Variants in GDF7 observed in about 807,000 individuals in gnomAD.
GDF7 encodes the protein growth/differentiation factor 7.
A neutral mutation model predicts 13.4 loss-of-function variants in GDF7; 12 were observed. The observed-to-expected ratio is 0.90, with a 90% confidence interval of 0.57 to 1.45. The LOEUF is 1.45. Among genes scored for constraint, GDF7 ranks in the 40% most tolerant of loss-of-function variants. GDF7 has a pLI of 0.00. For synonymous variants in GDF7, 330 were observed against 306.4 expected (o/e 1.08, Z -0.80); for missense variants, 651 against 652.4 (o/e 1.00, Z 0.02).
rs1662196492 is a variant in GDF7 at position 20,675,128 on chromosome 2, G to A, written c.*3703G>A. Reference sequence around the variant, plus strand: ...AGAGTGTCCTGAGGCTGCCTCTGGGGGCACAGAATCACTGGGCCTCGCTGA... The same window carrying A: ...AGAGTGTCCTGAGGCTGCCTCTGGGAGCACAGAATCACTGGGCCTCGCTGA... On this transcript the variant is annotated 3_prime_UTR_variant, in exon 2 of 2. Transcript: ENST00000272224. 6.6e-6 allele frequency: 1 copy of A among 152,340 alleles called. No homozygotes were observed. The highest frequency in any genetic ancestry group is 2.1e-4 in the South Asian group (1 of 4,828). The allele number at this position is 152,340 out of a possible 1,614,324, so 9.4% of individuals were successfully genotyped here. A position where few individuals can be genotyped will look rare whatever the true frequency, so the allele number is the denominator to read the frequency against.
intron 1 of GDF7, among the ~76,000 whole-genome samples, chr2:20,668,595 G>C (rs1662024325): frequency 6.6e-6 from 1 of 152,240 alleles, no homozygotes; most frequent in Non-Finnish European, 1.5e-5. Flanking sequence ...AGGCGAATAG[G>C]GCTGGGAAGT....
Position 20,672,145 on chromosome 2 carries a change from T to TA in GDF7, c.*722dup, listed in dbSNP as rs1662138879. 3 of 140,756 alleles carry TA rather than the reference T, an allele frequency of 2.1e-5. No individual in the cohort carries two copies. Among genetic ancestry groups the TA allele is most frequent in the Admixed American group, 7.0e-5 (1 of 14,190 alleles). 8.7% of individuals were successfully genotyped at this position (140,756 alleles called of 1,614,324 possible). A position where few individuals can be genotyped will look rare whatever the true frequency, so the allele number is the denominator to read the frequency against. On this transcript the variant is annotated 3_prime_UTR_variant, in exon 2 of 2. Coordinates refer to ENST00000272224, the MANE Select transcript of GDF7 (RefSeq NM_182828.4). ...CCCCCGCCTTTTTTTTTTTTTTTTT[T>TA]AATCAATTCCAATAGGAAATGTTAT...
chr2:20,670,847 G>A lies in GDF7; in HGVS notation c.775G>A (p.Gly259Ser), dbSNP rs1192662577. ...RLGFGWPGGG[G>S]SAAEERAVLV... ...GGGCTTCGGCTGGCCGGGCGGAGGG[G>A]GCTCTGCGGCAGAGGAGCGCGCGGT... Residue 259 changes from glycine (G) to serine (S), a missense_variant, in exon 2 of 2, where the codon GGC (glycine) becomes AGC (serine). Transcript: ENST00000272224. The A allele has an allele frequency of 1.3e-6, 2 of 1,499,564 alleles. No homozygotes were observed. The highest frequency in any genetic ancestry group is 1.8e-6 in the Non-Finnish European group (2 of 1,131,094). 92.9% of individuals were successfully genotyped at this position (1,499,564 alleles called of 1,614,324 possible).
chr2:20,674,165 GGCCTGGGT>G lies in GDF7; in HGVS notation c.*2742_*2749del, dbSNP rs1445468615. ...TCTGTCTTCTAGGTAGCGGGGGACA[GGCCTGGGT>G]GACTGGCATGAACCCAGCTTCTCTG... On this transcript the variant is annotated 3_prime_UTR_variant, in exon 2 of 2. Transcript: ENST00000272224. 1 of 152,220 alleles carries G rather than the reference GGCCTGGGT, an allele frequency of 6.6e-6. No homozygotes were observed. Among genetic ancestry groups the G allele is most frequent in the Admixed American group, 6.5e-5 (1 of 15,286 alleles). 9.4% of individuals were successfully genotyped at this position (152,220 alleles called of 1,614,324 possible). A position where few individuals can be genotyped will look rare whatever the true frequency, so the allele number is the denominator to read the frequency against.
chr2:20,677,923 GGCCAGACAA>G lies in GDF7; in HGVS notation c.*6499_*6507del, dbSNP rs1460049245. 1.3e-5 allele frequency: 2 copies of G among 152,456 alleles called. No individual in the cohort carries two copies. The highest frequency in any genetic ancestry group is 2.9e-5 in the Non-Finnish European group (2 of 68,234). The allele number at this position is 152,456 out of a possible 1,614,324, so 9.4% of individuals were successfully genotyped here. ...TCTCTGAGTGACTGAGGGCTGCCAA[GGCCAGACAA>G]CGCACATGTGTCCTGGATCCTCCCC... On this transcript the variant is annotated 3_prime_UTR_variant, in exon 2 of 2. Transcript: ENST00000272224.
rs751366806 is a variant in GDF7, at chr2:20,671,375, G to T, written c.1303G>T (p.Val435Phe). The change falls in exon 2 of 2, where the codon GTC becomes TTC. Residue 435 changes from valine (V) to phenylalanine (F), a missense_variant. By Grantham distance (50) the Val-to-Phe change is conservative (BLOSUM62 -1). This residue lies in a region of GDF7 where 101 missense variants were observed against 139.2 expected (regional missense o/e 0.73). Transcript: ENST00000272224. ...CTACATCGACGCCGCCAACAACGTT[G>T]TCTACAAGCAATACGAGGACATGGT... ...ILYIDAANNVVYKQYEDMVVE... is the reference protein window; with the variant it reads ...ILYIDAANNVFYKQYEDMVVE... 6 of 1,612,956 alleles carry T rather than the reference G, an allele frequency of 3.7e-6. No individual in the cohort carries two copies. The Admixed American group carries it at 8.3e-5, about 22-fold the overall frequency.
Position 20,667,449 on chromosome 2 carries a change from C to CCGCGCCG in GDF7, c.221_227dup (p.Ala77ProfsTer75), listed in dbSNP as rs1436225116. ...TCCCGGCCGCCGCGGTTCCCCGGGC[C>CCGCGCCG]CGCGCCGCGCGCCGCGCCGCGGGCT... On this transcript the variant is annotated frameshift_variant, in exon 1 of 2. Transcript: ENST00000272224. LOFTEE classifies it high-confidence loss of function. The surrounding 1 kb of genome is among the most constrained non-coding windows in gnomAD (Gnocchi z 6.4). 6 of 1,126,930 alleles carry CCGCGCCG rather than the reference C, an allele frequency of 5.3e-6. No individual in the cohort carries two copies. The highest frequency in any genetic ancestry group is 6.6e-6 in the Non-Finnish European group (6 of 913,884). The allele number at this position is 1,126,930 out of a possible 1,614,324, so 69.8% of individuals were successfully genotyped here. A position where few individuals can be genotyped will look rare whatever the true frequency, so the allele number is the denominator to read the frequency against.
chr2:20,671,062 G>A lies in GDF7; in HGVS notation c.990G>A (p.Ala330=). ...RRTALAGTRT[A]QGSGGGAGRG... ...CGGCGTTGGCCGGGACGCGGACAGC[G>A]CAGGGCAGCGGCGGGGGCGCGGGCC... is the stretch of plus-strand genomic sequence containing the variant. The change falls in exon 2 of 2, where the codon GCG becomes GCA. Residue 330 remains alanine (A), a synonymous_variant. Coordinates refer to ENST00000272224, the MANE Select transcript of GDF7 (RefSeq NM_182828.4). 6.6e-7 allele frequency: 1 copy of A among 1,503,952 alleles called. No homozygotes were observed. Among genetic ancestry groups the A allele is most frequent in the Non-Finnish European group, 8.9e-7 (1 of 1,128,730 alleles). The allele number at this position is 1,503,952 out of a possible 1,614,324, so 93.2% of individuals were successfully genotyped here.
In GDF7 at chr2:20,670,520, G is replaced by C; in HGVS notation, c.448G>C (p.Asp150His). 6.3e-7 allele frequency: 1 copy of C among 1,597,284 alleles called. No homozygotes were observed. Among genetic ancestry groups the C allele is most frequent in the South Asian group, 1.1e-5 (1 of 88,218 alleles). The change falls in exon 2 of 2, where the codon GAC (aspartate) becomes CAC (histidine). Residue 150 changes from aspartate to histidine, a missense_variant. Around this residue, in one of 4 missense-constraint regions of GDF7, gnomAD observed 487 missense variants for 445.9 expected, o/e 1.09. Transcript: ENST00000272224. ...CCTGTTCGACGTGTCCAGCCTTAACGACGCAGACGAGGTGGTGGGTGCCGA... is the reference window on the plus strand; with the variant it reads ...CCTGTTCGACGTGTCCAGCCTTAACCACGCAGACGAGGTGGTGGGTGCCGA... Reference protein sequence around the residue: ...SFLFDVSSLNDADEVVGAELR... With the variant: ...SFLFDVSSLNHADEVVGAELR...
chr2:20,668,097 G>C (rs1230296373), intron 1 of GDF7, among the ~76,000 whole-genome samples: 1 of 152,242 alleles, frequency 6.6e-6, no homozygotes, highest in African/African-American at 2.4e-5. Flanking sequence ...CACACAAATT[G>C]GGGGAAGCCC....
intron 1 of GDF7, among the ~76,000 whole-genome samples, chr2:20,669,350 G>C (rs2149310750): frequency 6.6e-6 from 1 of 152,240 alleles, no homozygotes; most frequent in South Asian, 2.1e-4. Flanking sequence ...GTCTCTCCGA[G>C]TTTAGGGGCA....
rs530876110 is a variant in GDF7, at chr2:20,671,825, GCTTTATCTCACCCC to G, written c.*405_*418del. On this transcript the variant is annotated 3_prime_UTR_variant, in exon 2 of 2. Coordinates refer to ENST00000272224, the MANE Select transcript of GDF7 (RefSeq NM_182828.4). ...GAGAACCAAAGGGGTACTCGAGCATGCTTTATCTCACCCCCTTTTGTTTCTGGCCCGATGTGGGG... is the reference window on the plus strand; with the variant it reads ...GAGAACCAAAGGGGTACTCGAGCATGCTTTTGTTTCTGGCCCGATGTGGGG... The G allele has an allele frequency of 5.1e-4, 119 of 234,176 alleles. 1 individual carries two copies. The South Asian group carries it at 6.9e-3, about 14-fold the overall frequency. 14.5% of individuals were successfully genotyped at this position (234,176 alleles called of 1,614,324 possible). A position where few individuals can be genotyped will look rare whatever the true frequency, so the allele number is the denominator to read the frequency against.
In GDF7 at chr2:20,676,893, C is replaced by T. The variant is rs968489716; in HGVS notation, c.*5468C>T. On this transcript the variant is annotated 3_prime_UTR_variant, in exon 2 of 2. Transcript: ENST00000272224. Reference sequence around the variant, plus strand: ...AAAAAGCAAAAATATGCCCTTAGAGCAGCAGAGCAGCGTGCGATGGTCCAC... The same window carrying T: ...AAAAAGCAAAAATATGCCCTTAGAGTAGCAGAGCAGCGTGCGATGGTCCAC... The T allele has an allele frequency of 6.6e-6, 1 of 152,210 alleles. No individual in the cohort carries two copies. Among genetic ancestry groups the T allele is most frequent in the South Asian group, 2.1e-4 (1 of 4,838 alleles). The allele number at this position is 152,210 out of a possible 1,614,324, so 9.4% of individuals were successfully genotyped here.
intron 1 of GDF7, among the ~76,000 whole-genome samples, chr2:20,669,713 C>G (rs929786448): frequency 6.6e-6 from 1 of 152,238 alleles, no homozygotes; most frequent in Non-Finnish European, 1.5e-5. Context: ...GGGTTGCGAT[C>G]GCGAGCAGCA....
In GDF7 at chr2:20,673,376, A is replaced by G. The variant is rs953534430; in HGVS notation, c.*1951A>G. 7 of 152,204 alleles carry G rather than the reference A, an allele frequency of 4.6e-5. No homozygotes were observed. Among genetic ancestry groups the G allele is most frequent in the Non-Finnish European group, 7.3e-5 (5 of 68,034 alleles). 9.4% of individuals were successfully genotyped at this position (152,204 alleles called of 1,614,324 possible). The stretch of plus-strand genomic sequence containing the variant: ...AAAGTGGCTGCTCTGGTACAATTCC[A>G]TCTTATTTTAGTGACTGGGCAAAGA... On this transcript the variant is annotated 3_prime_UTR_variant, in exon 2 of 2. Transcript: ENST00000272224.
Position 20,671,985 on chromosome 2 carries a change from A to C in GDF7, c.*560A>C, listed in dbSNP as rs1277503785. The C allele has an allele frequency of 6.6e-6, 1 of 151,808 alleles. No homozygotes were observed. The highest frequency in any genetic ancestry group is 2.4e-5 in the African/African-American group (1 of 41,392). 9.4% of individuals were successfully genotyped at this position (151,808 alleles called of 1,614,324 possible). On this transcript the variant is annotated 3_prime_UTR_variant, in exon 2 of 2. Coordinates refer to ENST00000272224, the MANE Select transcript of GDF7 (RefSeq NM_182828.4). Reference sequence around the variant, plus strand: ...CGTTTACCCTGGAACTGCTGCAAAAAGCATCTTTCTTTTTTTAACTTTTAA... The same window carrying C: ...CGTTTACCCTGGAACTGCTGCAAAACGCATCTTTCTTTTTTTAACTTTTAA...
chr2:20,676,559 T>G lies in GDF7; in HGVS notation c.*5134T>G, dbSNP rs1392041916. ...GAGGAGACACCTGGTGGACACAGAC[T>G]GCAGGGAGAGGGCTGAAAGTTGGCC... On this transcript the variant is annotated 3_prime_UTR_variant, in exon 2 of 2. Coordinates refer to ENST00000272224, the MANE Select transcript of GDF7 (RefSeq NM_182828.4). 1.3e-5 allele frequency: 2 copies of G among 152,336 alleles called. No homozygotes were observed. Among genetic ancestry groups the G allele is most frequent in the Non-Finnish European group, 2.9e-5 (2 of 68,118 alleles). The allele number at this position is 152,336 out of a possible 1,614,324, so 9.4% of individuals were successfully genotyped here.
chr2:20,667,578 G>T lies in GDF7; in HGVS notation c.339G>T (p.Ser113=). 6.6e-7 allele frequency: 1 copy of T among 1,508,352 alleles called. No individual in the cohort carries two copies. 93.4% of individuals were successfully genotyped at this position (1,508,352 alleles called of 1,614,324 possible). ...APAGAAAVSA[S]GHGRADTITG... is the part of the protein sequence containing the mutation. Reference sequence around the variant, plus strand: ...CCGGGGCAGCCGCTGTCTCCGCCTCGGGCCATGGTCGCGCGGACACGATCA... The same window carrying T: ...CCGGGGCAGCCGCTGTCTCCGCCTCTGGCCATGGTCGCGCGGACACGATCA... The change falls in exon 1 of 2, where the codon TCG becomes TCT. Residue 113 remains serine, a synonymous_variant. Transcript: ENST00000272224. The surrounding 1 kb of genome is among the most constrained non-coding windows in gnomAD (Gnocchi z 6.4).
chr2:20,674,339 G>T lies in GDF7; in HGVS notation c.*2914G>T, dbSNP rs1662183862. The T allele has an allele frequency of 6.6e-6, 1 of 152,302 alleles. No homozygotes were observed. The highest frequency in any genetic ancestry group is 2.1e-4 in the South Asian group (1 of 4,828). The allele number at this position is 152,302 out of a possible 1,614,324, so 9.4% of individuals were successfully genotyped here. A position where few individuals can be genotyped will look rare whatever the true frequency, so the allele number is the denominator to read the frequency against. On this transcript the variant is annotated 3_prime_UTR_variant, in exon 2 of 2. Transcript: ENST00000272224. ...CAAAGTCTCCCTCCTAAAGTAAACAGAATTTTCCATTTTGTAGGGAGAATT... is the reference window on the plus strand; with the variant it reads ...CAAAGTCTCCCTCCTAAAGTAAACATAATTTTCCATTTTGTAGGGAGAATT...
Sources: gnomAD v4.1 joint callset for allele counts (sites outside exome capture counted in the v4.1 genomes callset) on GRCh38, gnomAD v4.1.1 for gene constraint, gnomAD v4.1.1 regional missense constraint, Gnocchi (gnomAD v3.1) non-coding constraint, MANE v1.5 for transcripts, NCBI Gene and HGNC (gene_info 2026-07-23, HGNC 2026-07-21) for gene names.